The following GATAD2A variants were observed in gnomAD, a reference collection of about 807,000 sequenced individuals.
GATAD2A encodes the protein GATA zinc finger domain containing 2A.
GATAD2A carries 12 observed loss-of-function variants against 68.5 expected under a neutral mutation model. That is an observed-to-expected ratio of 0.18 (90% CI 0.11 to 0.28). GATAD2A has a LOEUF of 0.28. Ranked by LOEUF, GATAD2A falls within the 10% of genes least tolerant of loss-of-function variation. The probability of loss-of-function intolerance (pLI) is 1.00; values close to 1 mark genes in which losing one functional copy is unlikely to be tolerated. For missense variants in GATAD2A, 755 were observed against 868.5 expected (o/e 0.87, Z 1.64); for synonymous variants, 410 against 375.3 (o/e 1.09, Z -1.07).
intron 1 of GATAD2A, among the ~76,000 whole-genome samples, chr19:19,406,476 G>C (rs895316742): frequency 2.0e-5 from 3 of 151,826 alleles, no homozygotes; most frequent in Non-Finnish European, 4.4e-5. Context: ...GGCGGCGGCG[G>C]CGGATCCCGT....
intron 2 of GATAD2A, among the ~76,000 whole-genome samples, chr19:19,470,143 A>ATTTTTT (rs750710437): frequency 1.8e-4 from 24 of 132,870 alleles, no homozygotes; most frequent in Middle Eastern, 3.9e-3. Context: ...CTGCGACTTT[A>ATTTTTT]TTTTTTTTTT....
At chr19:19,501,584 T>C (rs2060526419) in intron 9 of GATAD2A, among the ~76,000 whole-genome samples, 168 bp downstream of exon 9, 1 of 152,268 alleles carries the variant, frequency 6.6e-6, no homozygotes, top group African/African-American at 2.4e-5. Flanking sequence ...TTAGACTTTG[T>C]AGCTCTCACT....
At chr19:19,431,910 G>A (rs879114475) in intron 1 of GATAD2A, among the ~76,000 whole-genome samples, 3 of 152,124 alleles carry the variant, frequency 2.0e-5, no homozygotes, top group Admixed American at 2.0e-4. Flanking sequence ...GGGATGGTGG[G>A]CCTCTGTGAG....
intron 1 of GATAD2A, among the ~76,000 whole-genome samples, chr19:19,413,080 T>C (rs1263546636): frequency 1.3e-5 from 2 of 152,190 alleles, no homozygotes; most frequent in Non-Finnish European, 2.9e-5. Flanking sequence ...CTACTCCCAG[T>C]GGGGCTGCAT....
At chr19:19,400,365 C>T (rs949745680) in intron 1 of GATAD2A, among the ~76,000 whole-genome samples, 2 of 152,154 alleles carry the variant, frequency 1.3e-5, no homozygotes, top group Non-Finnish European at 2.9e-5. Context: ...TGGTTAGAGA[C>T]GACATTCAAA....
In GATAD2A at chr19:19,453,602, C is replaced by G. The variant is rs541270408; in HGVS notation, c.-6-11738C>G. 5.9e-4 allele frequency among the ~76,000 whole-genome samples: 90 copies of G among 151,878 alleles called. 1 individual carries two copies. The highest frequency in any genetic ancestry group is 1.6e-4 in the Non-Finnish European group (11 of 67,920). On this transcript the variant is annotated intron_variant, in intron 1 of 11. Transcript: ENST00000683918. The stretch of plus-strand genomic sequence containing the variant: ...CCTTGACCTCCTGGATTCAAGCAGT[C>G]CTTCCACCTCAGCTTCCTGCGTAGC...
At chr19:19,500,937 C>T (rs552897301) in intron 8 of GATAD2A, among the ~76,000 whole-genome samples, 181 bp from the exon 9 acceptor site, 10 of 152,188 alleles carry the variant, frequency 6.6e-5, no homozygotes, top group African/African-American at 9.6e-5. Flanking sequence ...AGGAGGCCGA[C>T]GTTTTCTGAA....
At chr19:19,398,378 AT>A (rs1188791564) in intron 1 of GATAD2A, among the ~76,000 whole-genome samples, 4 of 150,302 alleles carry the variant, frequency 2.7e-5, no homozygotes, top group African/African-American at 9.8e-5. Context: ...TAATTTTTGC[AT>A]TTTTAGTAGA....
intron 11 of GATAD2A, among the ~76,000 whole-genome samples, chr19:19,502,730 C>A (rs2060620168): frequency 6.6e-6 from 1 of 152,224 alleles, no homozygotes; most frequent in Admixed American, 6.5e-5. Flanking sequence ...GAAATAGTAA[C>A]CACCCTCACT....
chr19:19,429,530 A>G (rs2050365054), intron 1 of GATAD2A, among the ~76,000 whole-genome samples: 1 of 151,996 alleles, frequency 6.6e-6, no homozygotes, highest in Admixed American at 6.5e-5. Context: ...GACCTGGGAA[A>G]TTAAGGAGGG....
intron 1 of GATAD2A, among the ~76,000 whole-genome samples, chr19:19,446,168 A>G (rs146343494): frequency 1.3e-3 from 194 of 152,238 alleles, no homozygotes; most frequent in Non-Finnish European, 1.6e-3. Context: ...GAGGGTCCCA[A>G]TTTCTCTACA....
At position 19,507,721 on chromosome 19, in the gene GATAD2A, C is replaced by G. The variant is rs750737868; in HGVS notation, c.*2247C>G. On this transcript the variant is annotated 3_prime_UTR_variant, in exon 12 of 12. Transcript: ENST00000683918. ...GGCCCCATGTCCCCAGGGAGCATTC[C>G]ATCAGGGACAACGTACATACTGTGA... is the stretch of plus-strand genomic sequence containing the variant. 1 of 151,754 alleles carries G rather than the reference C, an allele frequency of 6.6e-6. No homozygotes were observed. The highest frequency in any genetic ancestry group is 2.4e-5 in the African/African-American group (1 of 41,150). 9.4% of individuals were successfully genotyped at this position (151,754 alleles called of 1,614,324 possible).
At chr19:19,411,830 G>C (rs1245872292) in intron 1 of GATAD2A, among the ~76,000 whole-genome samples, 1 of 152,192 alleles carries the variant, frequency 6.6e-6, no homozygotes, top group African/African-American at 2.4e-5. Context: ...CAACTACACA[G>C]TGATTCTTGA....
At chr19:19,465,740 C>G in intron 2 of GATAD2A, 126 bp downstream of exon 2, 1 of 1,137,592 alleles carries the variant, frequency 8.8e-7, no homozygotes, top group Non-Finnish European at 1.2e-6. Flanking sequence ...GGGCTGTAGG[C>G]TCAGCTCGGG....
chr19:19,446,926 G>C (rs762309670), intron 1 of GATAD2A, among the ~76,000 whole-genome samples: 1 of 152,200 alleles, frequency 6.6e-6, no homozygotes, highest in African/African-American at 2.4e-5. Context: ...GGCATTAACC[G>C]GGAAGGAGGT....
intron 2 of GATAD2A, among the ~76,000 whole-genome samples, chr19:19,480,523 A>G (rs1488541736): frequency 6.6e-6 from 1 of 152,206 alleles, no homozygotes; most frequent in Non-Finnish European, 1.5e-5. Context: ...GTTTCTCTTC[A>G]TGGCGCCATT....
chr19:19,506,089 G>A lies in GATAD2A; in HGVS notation c.*615G>A. 1 of 398,952 alleles carries A rather than the reference G, an allele frequency of 2.5e-6. No homozygotes were observed. Among genetic ancestry groups the A allele is most frequent in the East Asian group, 3.6e-5 (1 of 28,060 alleles). The allele number at this position is 398,952 out of a possible 1,614,324, so 24.7% of individuals were successfully genotyped here. ...TGGCCCTGTGCCCTGGAGGGTGGGC[G>A]GCTCATGGTGCCACAGCCCCTGGCA... On this transcript the variant is annotated 3_prime_UTR_variant, in exon 12 of 12. Transcript: ENST00000683918.
chr19:19,471,211 G>C (rs549667583), intron 2 of GATAD2A, among the ~76,000 whole-genome samples: 1 of 149,812 alleles, frequency 6.7e-6, no homozygotes, highest in Admixed American at 6.7e-5. Flanking sequence ...AGCCGAGATC[G>C]TGCCGCTGTA....
At chr19:19,488,144 A>G (rs1200386252) in intron 2 of GATAD2A, among the ~76,000 whole-genome samples, 1 of 152,200 alleles carries the variant, frequency 6.6e-6, no homozygotes, top group East Asian at 1.9e-4. Context: ...CGCTTCATTT[A>G]TACAAGTTCC....
Sources: gnomAD v4.1 joint callset for allele counts (sites outside exome capture counted in the v4.1 genomes callset) on GRCh38, gnomAD v4.1.1 for gene constraint, MANE v1.5 for transcripts, NCBI Gene and HGNC (gene_info 2026-07-23, HGNC 2026-07-21) for gene names.